Variants in WDFY4 observed in about 807,000 individuals in gnomAD.
The protein encoded by WDFY4 is WDFY family member 4.
Under a neutral mutation model 351.9 loss-of-function variants are expected in WDFY4, and 169 were observed. The observed-to-expected ratio is 0.48, with a 90% CI of 0.42 to 0.55. WDFY4 has a LOEUF of 0.55. WDFY4 is among the 20% of genes least tolerant of loss of function. WDFY4 has a pLI of 0.00. For synonymous variants in WDFY4, 1,622 were observed against 1,574.6 expected (o/e 1.03, Z -0.71); for missense variants, 3,803 against 3,935.6 (o/e 0.97, Z 0.90).
At chr10:48,702,098 G>T (rs2063495222) in intron 1 of WDFY4, among the ~76,000 whole-genome samples, 1 of 152,046 alleles carries the variant, frequency 6.6e-6, no homozygotes, top group South Asian at 2.1e-4. Context: ...ACTGTCATGT[G>T]ACCACCACCA....
intron 42 of WDFY4, among the ~76,000 whole-genome samples, chr10:48,876,285 A>C (rs999474100): frequency 4.6e-5 from 7 of 152,258 alleles, no homozygotes; most frequent in Non-Finnish European, 1.0e-4. Flanking sequence ...AATGGACCAA[A>C]TTGTAAACAG....
chr10:48,964,119 C>A, intron 54 of WDFY4, 65 bp downstream of exon 54: 1 of 1,504,336 alleles, frequency 6.6e-7, no homozygotes, highest in South Asian at 1.2e-5. Context: ...AGGACATTCT[C>A]TCCTGGGGTG....
At position 48,787,822 on chromosome 10, in the gene WDFY4, T is replaced by C. The variant is rs923663777; in HGVS notation, c.3809-708T>C. 3.5e-4 allele frequency among the ~76,000 whole-genome samples: 48 copies of C among 136,386 alleles called. 1 individual carries two copies. The highest frequency in any genetic ancestry group is 1.4e-3 in the African/African-American group (41 of 30,028). 89.5% of individuals were successfully genotyped at this position (136,386 alleles called of 152,430 possible). ...CCTCCTCCTCCTCTTCTTCTTCTTC[T>C]TCTTCTTCTTCTTCTTCTTCTTCTT... is the stretch of plus-strand genomic sequence containing the variant. On this transcript the variant is annotated intron_variant, in intron 20 of 61. Transcript: ENST00000325239.
Position 48,789,900 on chromosome 10 carries a change from C to T in WDFY4, c.3981C>T (p.Ala1327=). 1 of 1,552,422 alleles carries T rather than the reference C, an allele frequency of 6.4e-7. No homozygotes were observed. Among genetic ancestry groups the T allele is most frequent in the Non-Finnish European group, 8.7e-7 (1 of 1,147,148 alleles). The change falls in exon 22 of 62, where the codon GCC becomes GCT. Residue 1327 remains alanine (A), a synonymous_variant. Coordinates refer to ENST00000325239, the MANE Select transcript of WDFY4 (RefSeq NM_001394531.1). ...KEMNISSRDN[A]MPVFLLRNCA... is the part of the protein sequence containing the mutation. Reference sequence around the variant, plus strand: ...TGAACATTTCATCCCGTGACAATGCCATGCCCGTGTTCTTGCTGAGGAATT... The same window carrying T: ...TGAACATTTCATCCCGTGACAATGCTATGCCCGTGTTCTTGCTGAGGAATT...
intron 47 of WDFY4, among the ~76,000 whole-genome samples, chr10:48,921,067 C>T (rs576824314): frequency 6.6e-6 from 1 of 152,216 alleles, no homozygotes; most frequent in East Asian, 1.9e-4. Flanking sequence ...CAACTCTCCC[C>T]AAATTGGTCT....
At chr10:48,962,509 C>A (rs958515027) in intron 53 of WDFY4, among the ~76,000 whole-genome samples, 1 of 152,160 alleles carries the variant, frequency 6.6e-6, no homozygotes, top group Admixed American at 6.5e-5. Context: ...ACTGTGATAT[C>A]GAGACACTGG....
rs575438730 is a variant in WDFY4 at position 48,927,925 on chromosome 10, C to G, written c.7587-13881C>G. Among the ~76,000 whole-genome samples the G allele has an allele frequency of 3.9e-5, 6 of 152,304 alleles. No homozygotes were observed. The South Asian group carries it at 1.2e-3, about 32-fold the overall frequency. ...ATATTAAGATGATTAGTTTAACAGA[C>G]TAGAAATGCCTTGTTCATCCACCCT... On this transcript the variant is annotated intron_variant, in intron 47 of 61. Coordinates refer to ENST00000325239, the MANE Select transcript of WDFY4 (RefSeq NM_001394531.1).
In WDFY4 at chr10:48,790,814, C is replaced by A; in HGVS notation, c.4154C>A (p.Ala1385Glu). 2 of 1,551,804 alleles carry A rather than the reference C, an allele frequency of 1.3e-6. No individual in the cohort carries two copies. Among genetic ancestry groups the A allele is most frequent in the Non-Finnish European group, 1.7e-6 (2 of 1,147,028 alleles). Residue 1385 changes from alanine to glutamate, a missense_variant, in exon 23 of 62, where the codon GCG (alanine) becomes GAG (glutamate). Ala to Glu is a moderately radical substitution (Grantham distance 107). Coordinates refer to ENST00000325239, the MANE Select transcript of WDFY4 (RefSeq NM_001394531.1). Reference protein sequence around the residue: ...PAILLGLISLATDDHTMYAAV... With the variant: ...PAILLGLISLETDDHTMYAAV... ...ATCCTCCTGGGCCTCATCTCCTTAG[C>A]GACAGATGACCATACCATGTATGCG...
At chr10:48,812,128 C>A (rs2457215) in intron 30 of WDFY4, among the ~76,000 whole-genome samples, 3,007 of 151,984 alleles carry the variant, frequency 0.02, 104 homozygotes, top group African/African-American at 0.07. Context: ...ATTCCTTCAG[C>A]TCCTTCCTTG....
rs1162939861 is a variant in WDFY4 at position 48,720,110 on chromosome 10, G to A, written c.334G>A (p.Val112Met). 6.4e-7 allele frequency: 1 copy of A among 1,551,870 alleles called. No individual in the cohort carries two copies. Among genetic ancestry groups the A allele is most frequent in the East Asian group, 2.4e-5 (1 of 40,924 alleles). ...QLAQQLQKAL[V>M]GKPAEQARLA... ...TGCCCAGCAACTCCAGAAGGCCCTT[G>A]TGGGGAAGCCTGCGGGTAAGAGCAT... The change falls in exon 3 of 62, where the codon GTG becomes ATG. Residue 112 changes from valine to methionine, a missense_variant. By Grantham distance (21) the Val-to-Met change is conservative (BLOSUM62 1). Around this residue, in one of 3 missense-constraint regions of WDFY4, gnomAD observed 488 missense variants for 456.8 expected, o/e 1.07. Coordinates refer to ENST00000325239, the MANE Select transcript of WDFY4 (RefSeq NM_001394531.1).
rs1565198091 is a variant in WDFY4, at chr10:48,787,875, TTTCTTTCTTCTTCTTC to T, written c.3809-653_3809-638del. ...TCTTCTTCTTTCTTCTTCTTTCTTC[TTTCTTTCTTCTTCTTC>T]TCCTTCTTCTTCTTCTTCTTCTTCT... On this transcript the variant is annotated intron_variant, in intron 20 of 61. Coordinates refer to ENST00000325239, the MANE Select transcript of WDFY4 (RefSeq NM_001394531.1). Among the ~76,000 whole-genome samples, 32 of 88,962 alleles carry T rather than the reference TTTCTTTCTTCTTCTTC, an allele frequency of 3.6e-4. 2 individuals are homozygous for T. The highest frequency in any genetic ancestry group is 1.8e-3 in the African/African-American group (29 of 15,810). The allele number at this position is 88,962 out of a possible 152,430, so 58.4% of individuals were successfully genotyped here. A position where few individuals can be genotyped will look rare whatever the true frequency, so the allele number is the denominator to read the frequency against.
At chr10:48,859,744 C>T (rs190267687) in intron 39 of WDFY4, among the ~76,000 whole-genome samples, 105 of 152,264 alleles carry the variant, frequency 6.9e-4, no homozygotes, top group African/African-American at 2.5e-3. Context: ...TCATCTCCTA[C>T]TCTATTTTCT....
chr10:48,744,301 A>G (rs1330548133), intron 12 of WDFY4, among the ~76,000 whole-genome samples: 2 of 152,186 alleles, frequency 1.3e-5, no homozygotes, highest in Non-Finnish European at 2.9e-5. Context: ...TCCTTCTGAA[A>G]GACACTGCAT....
chr10:48,842,604 C>T (rs530764889), intron 39 of WDFY4, among the ~76,000 whole-genome samples: 2 of 152,204 alleles, frequency 1.3e-5, no homozygotes, highest in African/African-American at 2.4e-5. Context: ...ATGCTTAAAC[C>T]GGATGATGCT....
In WDFY4 at chr10:48,943,455, T is replaced by C. The variant is rs1279607664; in HGVS notation, c.7749+6T>C. ...TCGCAGACTACACCTCAGAGGTAAG[T>C]TCCTCACGTGGAAACCACAGCTGCC... is the stretch of plus-strand genomic sequence containing the variant. On this transcript the variant is annotated splice_donor_region_variant and intron_variant, in intron 49 of 61. Coordinates refer to ENST00000325239, the MANE Select transcript of WDFY4 (RefSeq NM_001394531.1). The C allele has an allele frequency of 6.4e-6, 10 of 1,550,990 alleles. No homozygotes were observed. The highest frequency in any genetic ancestry group is 8.7e-6 in the Non-Finnish European group (10 of 1,146,442).
At chr10:48,868,948 T>G (rs1211399013) in intron 40 of WDFY4, among the ~76,000 whole-genome samples, 1 of 152,126 alleles carries the variant, frequency 6.6e-6, no homozygotes, top group Non-Finnish European at 1.5e-5. Context: ...GCCTGTCTCA[T>G]CTTCAGCAGC....
chr10:48,943,260 G>A, intron 48 of WDFY4, 70 bp from the exon 49 acceptor site: 1 of 1,526,776 alleles, frequency 6.5e-7, no homozygotes, highest in Non-Finnish European at 8.8e-7. Context: ...CGAGGCCTGA[G>A]GGTGGGACCC....
chr10:48,723,378 C>A (rs2064155723), intron 4 of WDFY4, 55 bp from the exon 5 acceptor site: 2 of 1,536,852 alleles, frequency 1.3e-6, no homozygotes, highest in East Asian at 4.9e-5. Context: ...TGGGTCTGGG[C>A]TGACCTGCTT....
At chr10:48,886,430 T>A (rs12256699) in intron 43 of WDFY4, among the ~76,000 whole-genome samples, 3,311 of 152,294 alleles carry the variant, frequency 0.022, 119 homozygotes, top group African/African-American at 0.075. Flanking sequence ...CTTTAAGAAG[T>A]GATTAGGCCA....
Sources: gnomAD v4.1 joint callset for allele counts (sites outside exome capture counted in the v4.1 genomes callset) on GRCh38, gnomAD v4.1.1 for gene constraint, gnomAD v4.1.1 regional missense constraint, MANE v1.5 for transcripts, NCBI Gene and HGNC (gene_info 2026-07-23, HGNC 2026-07-21) for gene names.